Variants in PRRC1 observed in about 807,000 individuals in gnomAD.
PRRC1 encodes the protein proline rich coiled-coil 1, also known as protein PRRC1.
Under a neutral mutation model 40.7 loss-of-function variants are expected in PRRC1, and 39 were observed. The observed-to-expected ratio is 0.96, with a 90% CI of 0.74 to 1.25. The LOEUF (loss-of-function observed/expected upper bound fraction) is 1.25. Among genes scored for constraint, PRRC1 ranks in the 50% most tolerant of loss-of-function variants. PRRC1 has a pLI of 0.00. For missense variants in PRRC1, 573 were observed against 548.3 expected, an observed-to-expected ratio of 1.05 and a Z score of -0.45; for synonymous variants, 175 against 193.3, an observed-to-expected ratio of 0.91 and a Z score of 0.79.
intron 1 of PRRC1, among the ~76,000 whole-genome samples, chr5:127,519,928 A>G (rs543267256): frequency 6.6e-6 from 1 of 152,292 alleles, no homozygotes; most frequent in South Asian, 2.1e-4. Context: ...ATCTTTGTGC[A>G]TGGCACCACC....
chr5:127,539,438 C>T (rs1046870549), intron 7 of PRRC1, among the ~76,000 whole-genome samples: 1 of 151,916 alleles, frequency 6.6e-6, no homozygotes, highest in Admixed American at 6.6e-5. Context: ...TATAATTGAC[C>T]ATGAGTAGCA....
chr5:127,530,480 G>A (rs1484332621), intron 5 of PRRC1, 84 bp downstream of exon 5: 2 of 750,556 alleles, frequency 2.7e-6, no homozygotes, highest in South Asian at 2.2e-5. Context: ...TTCTCTGTTC[G>A]TTTCCACTGA....
Position 127,524,844 on chromosome 5 carries a change from T to A in PRRC1, c.417T>A (p.Tyr139Ter). The change falls in exon 3 of 9, where the codon TAT (tyrosine) becomes TAA (stop). Residue 139 changes from tyrosine (Y) to a stop codon, truncating the protein, a stop_gained. Transcript: ENST00000296666. LOFTEE classifies it high-confidence loss of function. ...PISGFSVGST[Y>*]DITRGHAGRA... ...CAGGATTTTCTGTTGGTTCAACTTA[T>A]GACATTACAAGGGGACATGCTGGGA... 1.2e-6 allele frequency: 2 copies of A among 1,614,258 alleles called. No homozygotes were observed. The highest frequency in any genetic ancestry group is 1.1e-5 in the South Asian group (1 of 91,088).
At chr5:127,538,315 C>G (rs1220463204) in intron 6 of PRRC1, among the ~76,000 whole-genome samples, 1 of 152,026 alleles carries the variant, frequency 6.6e-6, no homozygotes, top group African/African-American at 2.4e-5. Context: ...TAAAAATTAT[C>G]CATGGCTACT....
At chr5:127,551,307 C>A in intron 8 of PRRC1, 1 of 198,618 alleles carries the variant, frequency 5.0e-6, no homozygotes, top group Non-Finnish European at 1.0e-5. Flanking sequence ...AGAGAATTTC[C>A]ATAATTGAGC....
Position 127,551,770 on chromosome 5 carries a change from G to A in PRRC1, c.1192G>A (p.Glu398Lys). The A allele has an allele frequency of 6.2e-7, 1 of 1,614,112 alleles. No homozygotes were observed. The highest frequency in any genetic ancestry group is 8.5e-7 in the Non-Finnish European group (1 of 1,179,998). Residue 398 changes from glutamate to lysine, a missense_variant, in exon 9 of 9, where the codon GAA (glutamate) becomes AAA (lysine). Physicochemically the swap from Glu to Lys is moderately conservative, Grantham distance 56 (BLOSUM62 1). Transcript: ENST00000296666. ...GTCAGGCCTTTTGGTGACAGTGGGTGAAGTCCTGGAAAAGAGTTTACTGAA... is the reference window on the plus strand; with the variant it reads ...GTCAGGCCTTTTGGTGACAGTGGGTAAAGTCCTGGAAAAGAGTTTACTGAA... ...RWSGLLVTVG[E>K]VLEKSLLNVS...
chr5:127,543,129 C>T (rs1413566474), intron 7 of PRRC1, among the ~76,000 whole-genome samples: 4 of 152,030 alleles, frequency 2.6e-5, no homozygotes, highest in Admixed American at 6.6e-5. Flanking sequence ...CCTTCACTTA[C>T]AAAACTTAGT....
In PRRC1 at chr5:127,553,603, T is replaced by TTTCA; in HGVS notation, c.*1690_*1693dup. The TTTCA allele has an allele frequency of 2.2e-6, 3 of 1,350,698 alleles. No individual in the cohort carries two copies. The highest frequency in any genetic ancestry group is 2.9e-6 in the Non-Finnish European group (3 of 1,050,122). The allele number at this position is 1,350,698 out of a possible 1,614,324, so 83.7% of individuals were successfully genotyped here. A position where few individuals can be genotyped will look rare whatever the true frequency, so the allele number is the denominator to read the frequency against. ...CAATGGCATGATGACAACAACAGTC[T>TTTCA]TTCATTACAGACTGAAGGGAAGCAT... is the stretch of plus-strand genomic sequence containing the variant. On this transcript the variant is annotated 3_prime_UTR_variant, in exon 9 of 9. Transcript: ENST00000296666.
chr5:127,551,658 T>C, intron 8 of PRRC1, 49 bp from the exon 9 acceptor site: 2 of 1,554,466 alleles, frequency 1.3e-6, no homozygotes, highest in South Asian at 2.3e-5. Flanking sequence ...CTAGTTCCAA[T>C]GATATTTTTA....
At chr5:127,523,281 C>T (rs1365144861) in intron 1 of PRRC1, among the ~76,000 whole-genome samples, 179 bp from the exon 2 acceptor site, 3 of 152,160 alleles carry the variant, frequency 2.0e-5, no homozygotes, top group Admixed American at 1.3e-4. Context: ...TAAATATTCT[C>T]ATAGATTGCT....
rs148130385 is a variant in PRRC1, at chr5:127,540,868, G to A, written c.1025+1725G>A. Among the ~76,000 whole-genome samples the A allele has an allele frequency of 6.7e-3, 1,021 of 151,926 alleles. 12 individuals carry two copies. Among genetic ancestry groups the A allele is most frequent in the African/African-American group, 0.023 (955 of 41,462 alleles). On this transcript the variant is annotated intron_variant, in intron 7 of 8. Transcript: ENST00000296666. ...GCCCTTTGTTAGATGAATATGTTGC[G>A]AAAATTTTCTCCCATTTTGTAGGTT...
chr5:127,529,374 A>G (rs1767705362), intron 4 of PRRC1, among the ~76,000 whole-genome samples: 3 of 151,934 alleles, frequency 2.0e-5, no homozygotes, highest in Admixed American at 2.0e-4. Flanking sequence ...TTTTTTGCAT[A>G]CAGACTACAA....
At chr5:127,538,229 C>G (rs1400495491) in intron 6 of PRRC1, among the ~76,000 whole-genome samples, 2 of 151,968 alleles carry the variant, frequency 1.3e-5, no homozygotes, top group African/African-American at 2.4e-5. Flanking sequence ...GAGATGTGTC[C>G]TAGCCTTCTT....
chr5:127,529,533 C>A, intron 4 of PRRC1, among the ~76,000 whole-genome samples: 1 of 152,112 alleles, frequency 6.6e-6, no homozygotes, highest in Non-Finnish European at 1.5e-5. Context: ...ATGAACTCAT[C>A]TTTTCCTGAG....
chr5:127,553,870 C>G lies in PRRC1; in HGVS notation c.*1954C>G. The stretch of plus-strand genomic sequence containing the variant: ...GGTTGAAGCTAGAAATTTTCCTGCC[C>G]CTGGTGACCTGGTAAGCCTCCTGCT... On this transcript the variant is annotated 3_prime_UTR_variant, in exon 9 of 9. Transcript: ENST00000296666. The G allele has an allele frequency of 6.5e-7, 1 of 1,535,616 alleles. No homozygotes were observed. Among genetic ancestry groups the G allele is most frequent in the Non-Finnish European group, 8.7e-7 (1 of 1,146,584 alleles).
intron 3 of PRRC1, among the ~76,000 whole-genome samples, chr5:127,525,493 G>A (rs536027315): frequency 6.6e-6 from 1 of 152,212 alleles, no homozygotes; most frequent in Non-Finnish European, 1.5e-5. Context: ...TTTGTTTACA[G>A]GTTTTTATAT....
intron 5 of PRRC1, among the ~76,000 whole-genome samples, chr5:127,532,143 T>C (rs1190574171): frequency 6.7e-6 from 1 of 150,024 alleles, no homozygotes; most frequent in African/African-American, 2.5e-5. Context: ...GGAGTCTCAC[T>C]CTACCGCCAG....
In PRRC1 at chr5:127,547,770, A is replaced by C. The variant is rs750271641; in HGVS notation, c.1026-49A>C. 6.4e-6 allele frequency: 8 copies of C among 1,243,836 alleles called. No homozygotes were observed. The East Asian group carries it at 1.9e-4, about 29-fold the overall frequency. 77.0% of individuals were successfully genotyped at this position (1,243,836 alleles called of 1,614,324 possible). On this transcript the variant is annotated intron_variant, in intron 7 of 8. Transcript: ENST00000296666. ...TTTTTTCTTTTTGTCTATTCATGAT[A>C]AGTTTTATTTGGCATATAAACCATT...
In PRRC1 at chr5:127,525,854, G is replaced by A. The variant is rs564180480; in HGVS notation, c.494-764G>A. ...TGTGCATTTATAGAGAAATTTAAAG[G>A]TGAAGTCTGAGTTTTTTTAAGTTTT... On this transcript the variant is annotated intron_variant, in intron 3 of 8. Transcript: ENST00000296666. Among the ~76,000 whole-genome samples, 12 of 152,222 alleles carry A rather than the reference G, an allele frequency of 7.9e-5. No homozygotes were observed. The South Asian group carries it at 2.5e-3, about 32-fold the overall frequency.
Sources: gnomAD v4.1 joint callset for allele counts (sites outside exome capture counted in the v4.1 genomes callset) on GRCh38, gnomAD v4.1.1 for gene constraint, MANE v1.5 for transcripts, NCBI Gene and HGNC (gene_info 2026-07-23, HGNC 2026-07-21) for gene names.